SEPTIN3: variants seen among roughly 807,000 people sequenced by gnomAD.
SEPTIN3 encodes the protein neuronal-specific septin-3.
Under a neutral mutation model 45.1 loss-of-function variants are expected in SEPTIN3, and 15 were observed. The ratio of observed to expected loss-of-function variants is 0.33; its 90% CI spans 0.22 to 0.51. SEPTIN3 has a LOEUF of 0.51. Ranked by LOEUF, SEPTIN3 falls within the 20% of genes least tolerant of loss-of-function variation. The pLI is 0.97. For missense variants in SEPTIN3, 289 were observed against 457.2 expected (o/e 0.63, Z 3.35); for synonymous variants, 148 against 164.8 (o/e 0.90, Z 0.78).
chr22:41,985,762 G>C (rs776364517), intron 3 of SEPTIN3: 12 of 416,206 alleles, frequency 2.9e-5, no homozygotes, highest in African/African-American at 4.1e-5. Flanking sequence ...GGGAAGGAGA[G>C]AATATGGAAT....
intron 9 of SEPTIN3, among the ~76,000 whole-genome samples, chr22:41,993,054 G>T (rs1283249923): frequency 1.3e-5 from 2 of 152,234 alleles, no homozygotes; most frequent in African/African-American, 4.8e-5. Context: ...TTCATAGGAA[G>T]GGGGATGTGA....
intron 2 of SEPTIN3, chr22:41,981,408 C>G: frequency 2.1e-6 from 1 of 465,352 alleles, no homozygotes; most frequent in Non-Finnish European, 3.8e-6. Flanking sequence ...AACCAGAGAA[C>G]CTGGCACTGG....
chr22:41,995,139 C>T (rs1332031486), intron 11 of SEPTIN3: 1 of 1,074,854 alleles, frequency 9.3e-7, no homozygotes, highest in Non-Finnish European at 1.1e-6. Context: ...ACAGGCAACT[C>T]TTCTCTCGGA....
chr22:41,981,566 A>G, intron 2 of SEPTIN3, 79 bp from the exon 3 acceptor site: 1 of 1,235,308 alleles, frequency 8.1e-7, no homozygotes, highest in Non-Finnish European at 1.1e-6. Context: ...CTGTAGCAAG[A>G]GAAAAATACC....
At chr22:41,990,745 C>CAA (rs71184855) in intron 7 of SEPTIN3, among the ~76,000 whole-genome samples, 19,952 of 95,630 alleles carry the variant, frequency 0.21, 2,135 homozygotes, top group Non-Finnish European at 0.24. Flanking sequence ...CACTCTATCT[C>CAA]AAAAAAAAAA....
intron 3 of SEPTIN3, among the ~76,000 whole-genome samples, chr22:41,982,654 C>T (rs1198820960): frequency 1.3e-5 from 2 of 151,162 alleles, no homozygotes; most frequent in African/African-American, 2.4e-5. Context: ...TTTGGGAGGC[C>T]GAGGTGGGTG....
intron 11 of SEPTIN3, chr22:41,995,139 C>G (rs1332031486): frequency 9.3e-7 from 1 of 1,074,854 alleles, no homozygotes; most frequent in Non-Finnish European, 1.1e-6. Context: ...ACAGGCAACT[C>G]TTCTCTCGGA....
intron 2 of SEPTIN3, 34 bp from the exon 3 acceptor site, chr22:41,981,611 C>T (rs759737669): frequency 7.3e-5 from 114 of 1,569,272 alleles, no homozygotes; most frequent in Non-Finnish European, 9.5e-5. Context: ...TCCTCCTGAT[C>T]ACCCCTCCGA....
intron 6 of SEPTIN3, among the ~76,000 whole-genome samples, chr22:41,988,724 G>A (rs1246254477): frequency 6.6e-6 from 1 of 152,064 alleles, no homozygotes; most frequent in Non-Finnish European, 1.5e-5. Flanking sequence ...GGTAGGATGG[G>A]GGCATAGACT....
intron 6 of SEPTIN3, 124 bp downstream of exon 6, chr22:41,987,883 G>C: frequency 1.0e-6 from 1 of 962,652 alleles, no homozygotes; most frequent in Non-Finnish European, 1.5e-6. Flanking sequence ...AGCCCTTCCA[G>C]CCAGATGGGT....
chr22:41,977,552 C>T (rs1297221789), intron 2 of SEPTIN3, among the ~76,000 whole-genome samples: 3 of 151,940 alleles, frequency 2.0e-5, no homozygotes, highest in African/African-American at 7.3e-5. Context: ...TCTGCTCCTG[C>T]GAATGGGAAA....
chr22:41,993,113 T>C (rs572422344), intron 9 of SEPTIN3, among the ~76,000 whole-genome samples: 5 of 152,364 alleles, frequency 3.3e-5, no homozygotes, highest in Non-Finnish European at 1.5e-5. Context: ...TTCCATTTTA[T>C]TATGAATGGA....
intron 7 of SEPTIN3, among the ~76,000 whole-genome samples, chr22:41,990,745 C>CAAAAAA (rs71184855): frequency 3.1e-5 from 3 of 96,546 alleles, no homozygotes; most frequent in Non-Finnish European, 3.9e-5. Context: ...CACTCTATCT[C>CAAAAAA]AAAAAAAAAA....
Position 41,973,014 on chromosome 22 carries a change from GT to G in SEPTIN3, c.1504+20del. The G allele has an allele frequency of 2.5e-6, 1 of 398,868 alleles. No individual in the cohort carries two copies. Among genetic ancestry groups the G allele is most frequent in the East Asian group, 3.6e-5 (1 of 28,088 alleles). 24.7% of individuals were successfully genotyped at this position (398,868 alleles called of 1,614,324 possible). A position where few individuals can be genotyped will look rare whatever the true frequency, so the allele number is the denominator to read the frequency against. On this transcript the variant is annotated intron_variant, in intron 2 of 11. Transcript: ENST00000644076. ...ATACAAAGGTAAATGCAGAAACTTG[GT>G]TGGGGATGGACTAGGCTGCCGGGAG...
intron 4 of SEPTIN3, among the ~76,000 whole-genome samples, chr22:41,986,666 ATT>A (rs1315187962): frequency 2.6e-5 from 4 of 151,436 alleles, no homozygotes; most frequent in Non-Finnish European, 1.5e-5. Flanking sequence ...CGCCCGGCTA[ATT>A]TTTTTTGTAT....
At chr22:41,989,907 C>G (rs1916051428) in intron 7 of SEPTIN3, among the ~76,000 whole-genome samples, 1 of 152,118 alleles carries the variant, frequency 6.6e-6, no homozygotes, top group South Asian at 2.1e-4. Context: ...TGCCTTCTTC[C>G]CACCCTCCAA....
intron 11 of SEPTIN3, chr22:41,995,703 G>A (rs2078422253): frequency 1.0e-6 from 1 of 985,300 alleles, no homozygotes; most frequent in African/African-American, 1.7e-5. Context: ...GATTGCCAGA[G>A]AAATCTGGGT....
chr22:41,984,184 C>A (rs1452705792), intron 3 of SEPTIN3, among the ~76,000 whole-genome samples: 1 of 152,164 alleles, frequency 6.6e-6, no homozygotes, highest in African/African-American at 2.4e-5. Flanking sequence ...TGTCCAATTT[C>A]CTCTCTCCTC....
At chr22:41,996,070 C>T (rs953964113) in intron 11 of SEPTIN3, 3 of 985,196 alleles carry the variant, frequency 3.0e-6, no homozygotes, top group Admixed American at 6.2e-5. Flanking sequence ...TTTTCTATTC[C>T]CCATCACTTT....
Sources: gnomAD v4.1 joint callset for allele counts (sites outside exome capture counted in the v4.1 genomes callset) on GRCh38, gnomAD v4.1.1 for gene constraint, MANE v1.5 for transcripts, NCBI Gene and HGNC (gene_info 2026-07-23, HGNC 2026-07-21) for gene names.